Variants in KIRREL3 observed in about 807,000 individuals in gnomAD.
KIRREL3 encodes kin of IRRE-like protein 3.
A neutral mutation model predicts 89.7 loss-of-function variants in KIRREL3; 36 were observed. The ratio of observed to expected loss-of-function variants is 0.40; its 90% CI spans 0.31 to 0.53. The LOEUF (loss-of-function observed/expected upper bound fraction) is 0.53. Ranked by LOEUF, KIRREL3 falls within the 20% of genes least tolerant of loss-of-function variation. The pLI is 0.49. For missense variants in KIRREL3, 864 were observed against 1,056.6 expected (o/e 0.82, Z 2.53); for synonymous variants, 445 against 441.4 (o/e 1.01, Z -0.10).
chr11:126,628,788 G>A lies in KIRREL3; in HGVS notation c.56-65876C>T, dbSNP rs1314337374. Among the ~76,000 whole-genome samples the A allele has an allele frequency of 6.6e-6, 1 of 152,152 alleles. No individual in the cohort carries two copies. Among genetic ancestry groups the A allele is most frequent in the African/African-American group, 2.4e-5 (1 of 41,442 alleles). ...GCCCAGCCTGCTACCTGGAGCCAGG[G>A]CCTCGCCTCTACTGCCCCCTCCGCT... On this transcript the variant is annotated intron_variant, in intron 1 of 16. Coordinates refer to ENST00000525144, the MANE Select transcript of KIRREL3 (RefSeq NM_032531.4). This position sits in a 1 kb window ranked among gnomAD's most constrained non-coding sequence, Gnocchi z 5.2.
Position 126,541,605 on chromosome 11 carries a change from G to C in KIRREL3, c.134-14918C>G, listed in dbSNP as rs557705288. Among the ~76,000 whole-genome samples the C allele has an allele frequency of 6.6e-6, 1 of 152,208 alleles. No homozygotes were observed. Among genetic ancestry groups the C allele is most frequent in the Non-Finnish European group, 1.5e-5 (1 of 68,034 alleles). ...CCATGTGCATGAGGATCACCTGGGG[G>C]ACTGGCTAAAAATAACAGTTTCCTG... On this transcript the variant is annotated intron_variant, in intron 2 of 16. Transcript: ENST00000525144. The surrounding 1 kb of genome is among the most constrained non-coding windows in gnomAD (Gnocchi z 4.8).
chr11:126,717,395 C>G (rs1297281217), intron 1 of KIRREL3, among the ~76,000 whole-genome samples: 1 of 152,232 alleles, frequency 6.6e-6, no homozygotes, highest in Non-Finnish European at 1.5e-5. Context: ...CACTGTTGTA[C>G]AAGTGGCTAT....
intron 1 of KIRREL3, among the ~76,000 whole-genome samples, chr11:126,793,581 T>C (rs1592136922): frequency 1.3e-5 from 2 of 152,170 alleles, no homozygotes; most frequent in East Asian, 3.8e-4. Flanking sequence ...CTCAGGTCAC[T>C]GGCAGTGACT....
rs1948679314 is a variant in KIRREL3 at position 126,948,331 on chromosome 11, T to C, written c.55+52124A>G. Among the ~76,000 whole-genome samples the C allele has an allele frequency of 6.6e-6, 1 of 152,060 alleles. No individual in the cohort carries two copies. The highest frequency in any genetic ancestry group is 1.5e-5 in the Non-Finnish European group (1 of 68,020). On this transcript the variant is annotated intron_variant, in intron 1 of 16. Transcript: ENST00000525144. This position sits in a 1 kb window ranked among gnomAD's most constrained non-coding sequence, Gnocchi z 4.5. ...TTTGGCCTGAACCTGTCCAACTTTA[T>C]AGAGGGATCTCAGTACAACGGAGAA...
intron 1 of KIRREL3, among the ~76,000 whole-genome samples, chr11:126,583,347 G>C (rs1014828639): frequency 6.6e-6 from 1 of 152,170 alleles, no homozygotes; most frequent in Non-Finnish European, 1.5e-5. Context: ...GAAATCTCCA[G>C]TTCTGCCAAA....
rs1397395445 is a variant in KIRREL3 at position 126,643,687 on chromosome 11, G to A, written c.56-80775C>T. Among the ~76,000 whole-genome samples the A allele has an allele frequency of 1.3e-5, 2 of 152,236 alleles. No homozygotes were observed. Among genetic ancestry groups the A allele is most frequent in the African/African-American group, 4.8e-5 (2 of 41,468 alleles). On this transcript the variant is annotated intron_variant, in intron 1 of 16. Coordinates refer to ENST00000525144, the MANE Select transcript of KIRREL3 (RefSeq NM_032531.4). The surrounding 1 kb of genome is among the most constrained non-coding windows in gnomAD (Gnocchi z 4.5). ...GCAACACAATGAGTAGGATTGTACT[G>A]AAGATGAATTGGAGATAGGGAGAGG...
At chr11:126,895,450 T>TAA (rs36085945) in intron 1 of KIRREL3, among the ~76,000 whole-genome samples, 6 of 108,152 alleles carry the variant, frequency 5.5e-5, no homozygotes, top group African/African-American at 1.4e-4. Context: ...CACTGTCTCT[T>TAA]AAAAAAAAAA....
rs1424437231 is a variant in KIRREL3 at position 126,454,476 on chromosome 11, C to A, written c.848+1873G>T. On this transcript the variant is annotated intron_variant, in intron 7 of 16. Coordinates refer to ENST00000525144, the MANE Select transcript of KIRREL3 (RefSeq NM_032531.4). This position sits in a 1 kb window ranked among gnomAD's most constrained non-coding sequence, Gnocchi z 5.8. ...GTGGCTGTGAGGGTGAATAGGGGTG[C>A]TTGCCGGGTGGTCTGTGGGTGTGAA... Among the ~76,000 whole-genome samples the A allele has an allele frequency of 6.6e-6, 1 of 152,124 alleles. No individual in the cohort carries two copies. The highest frequency in any genetic ancestry group is 2.4e-5 in the African/African-American group (1 of 41,426).
chr11:126,528,840 G>A lies in KIRREL3; in HGVS notation c.134-2153C>T, dbSNP rs1449724769. ...AGAGGAGGAAGCAGGGGAGGAGGGTGAGGGGCAGCATGGAGAGGGAGGGGG... is the reference window on the plus strand; with the variant it reads ...AGAGGAGGAAGCAGGGGAGGAGGGTAAGGGGCAGCATGGAGAGGGAGGGGG... On this transcript the variant is annotated intron_variant, in intron 2 of 16. Coordinates refer to ENST00000525144, the MANE Select transcript of KIRREL3 (RefSeq NM_032531.4). This position sits in a 1 kb window ranked among gnomAD's most constrained non-coding sequence, Gnocchi z 4.6. 2.0e-5 allele frequency among the ~76,000 whole-genome samples: 3 copies of A among 146,378 alleles called. No homozygotes were observed. The highest frequency in any genetic ancestry group is 5.1e-5 in the African/African-American group (2 of 39,480).
At chr11:126,790,700 A>G (rs1950611526) in intron 1 of KIRREL3, among the ~76,000 whole-genome samples, 1 of 152,188 alleles carries the variant, frequency 6.6e-6, no homozygotes, top group South Asian at 2.1e-4. Flanking sequence ...AGTGAGTCAG[A>G]GGAAAGAGTG....
In KIRREL3 at chr11:126,502,409, C is replaced by T. The variant is rs557426764; in HGVS notation, c.433+18906G>A. ...ACAGCTCCTCCTGCCCAGGCACAGTCAGAAGAAGCTGTCCCTTCTGGGCAG... is the reference window on the plus strand; with the variant it reads ...ACAGCTCCTCCTGCCCAGGCACAGTTAGAAGAAGCTGTCCCTTCTGGGCAG... On this transcript the variant is annotated intron_variant, in intron 4 of 16. Coordinates refer to ENST00000525144, the MANE Select transcript of KIRREL3 (RefSeq NM_032531.4). 4.6e-5 allele frequency among the ~76,000 whole-genome samples: 7 copies of T among 152,328 alleles called. No individual in the cohort carries two copies. In the South Asian group the frequency reaches 1.0e-3, roughly 23 times the overall value.
Position 126,664,888 on chromosome 11 carries a change from TAC to T in KIRREL3, c.56-101978_56-101977del, listed in dbSNP as rs1945586184. 6.6e-6 allele frequency among the ~76,000 whole-genome samples: 1 copy of T among 152,194 alleles called. No individual in the cohort carries two copies. The highest frequency in any genetic ancestry group is 6.5e-5 in the Admixed American group (1 of 15,282). ...AACCACAGGTAGCTGGAGCTCATTCTACAGTGTCCAGAGTGAAACCTGTCCCC... is the reference window on the plus strand; with the variant it reads ...AACCACAGGTAGCTGGAGCTCATTCTAGTGTCCAGAGTGAAACCTGTCCCC... On this transcript the variant is annotated intron_variant, in intron 1 of 16. Coordinates refer to ENST00000525144, the MANE Select transcript of KIRREL3 (RefSeq NM_032531.4). This position sits in a 1 kb window ranked among gnomAD's most constrained non-coding sequence, Gnocchi z 5.4.
rs1328873839 is a variant in KIRREL3 at position 126,976,245 on chromosome 11, TGAATAACACAACATCACAAAG to T, written c.55+24189_55+24209del. ...GAGGAAAATTTGTTTATCAAATTTG[TGAATAACACAACATCACAAAG>T]GAGAGACAGATTATGAAATTATAAT... is the stretch of plus-strand genomic sequence containing the variant. On this transcript the variant is annotated intron_variant, in intron 1 of 16. Coordinates refer to ENST00000525144, the MANE Select transcript of KIRREL3 (RefSeq NM_032531.4). The surrounding 1 kb of genome is among the most constrained non-coding windows in gnomAD (Gnocchi z 4.2). Among the ~76,000 whole-genome samples the T allele has an allele frequency of 1.3e-5, 2 of 152,184 alleles. No homozygotes were observed. Among genetic ancestry groups the T allele is most frequent in the African/African-American group, 4.8e-5 (2 of 41,442 alleles).
Position 126,964,913 on chromosome 11 carries a change from C to T in KIRREL3, c.55+35542G>A, listed in dbSNP as rs74984070. Among the ~76,000 whole-genome samples the T allele has an allele frequency of 5.2e-3, 796 of 152,258 alleles. 9 individuals are homozygous for T. Among genetic ancestry groups the T allele is most frequent in the African/African-American group, 0.017 (688 of 41,536 alleles). The stretch of plus-strand genomic sequence containing the variant: ...ATTAGCTGTGACATAGATTAAGATA[C>T]TATTTCATTAGATTGTCTAGGGCAT... On this transcript the variant is annotated intron_variant, in intron 1 of 16. Coordinates refer to ENST00000525144, the MANE Select transcript of KIRREL3 (RefSeq NM_032531.4).
chr11:126,938,503 A>T (rs1251592952), intron 1 of KIRREL3, among the ~76,000 whole-genome samples: 1 of 152,228 alleles, frequency 6.6e-6, no homozygotes, highest in Non-Finnish European at 1.5e-5. Flanking sequence ...CTAAACTGGC[A>T]TGTGTCTTGC....
intron 1 of KIRREL3, among the ~76,000 whole-genome samples, chr11:126,660,648 G>T (rs7108068): frequency 6.6e-6 from 1 of 151,916 alleles, no homozygotes; most frequent in South Asian, 2.1e-4. Context: ...GCAAACTTTT[G>T]AGGACGACCT....
At chr11:126,907,553 C>A (rs1042922526) in intron 1 of KIRREL3, among the ~76,000 whole-genome samples, 1 of 152,134 alleles carries the variant, frequency 6.6e-6, no homozygotes, top group Non-Finnish European at 1.5e-5. Context: ...AAGAGAACTT[C>A]GGCAACCACA....
intron 7 of KIRREL3, among the ~76,000 whole-genome samples, chr11:126,452,320 C>A (rs1405467493): frequency 1.3e-5 from 2 of 152,256 alleles, no homozygotes; most frequent in African/African-American, 2.4e-5. Flanking sequence ...AAGAGTCAGG[C>A]CGGCCCCTGC....
intron 1 of KIRREL3, among the ~76,000 whole-genome samples, chr11:126,869,841 C>T (rs1945049406): frequency 1.3e-5 from 2 of 152,184 alleles, no homozygotes; most frequent in Admixed American, 6.5e-5. Context: ...GAAGAAAACT[C>T]CCCTCTGTGC....
Sources: gnomAD v4.1 joint callset for allele counts (sites outside exome capture counted in the v4.1 genomes callset) on GRCh38, gnomAD v4.1.1 for gene constraint, Gnocchi (gnomAD v3.1) non-coding constraint, MANE v1.5 for transcripts, NCBI Gene and HGNC (gene_info 2026-07-23, HGNC 2026-07-21) for gene names.